DPYD: variants seen among roughly 807,000 people sequenced by gnomAD.
DPYD encodes dihydropyrimidine dehydrogenase [NADP(+)].
A neutral mutation model predicts 116.2 loss-of-function variants in DPYD; 109 were observed. The observed-to-expected ratio is 0.94, with a 90% CI of 0.80 to 1.10. DPYD has a LOEUF of 1.10. DPYD is among the 50% of genes least tolerant of loss of function. The pLI, the probability that DPYD is intolerant of heterozygous loss-of-function variation, is 0.00. For synonymous variants in DPYD, 440 were observed against 432.0 expected, an observed-to-expected ratio of 1.02 and a Z score of -0.23; for missense variants, 1,302 against 1,254.5, an observed-to-expected ratio of 1.04 and a Z score of -0.57.
chr1:97,098,263 T>C (rs1650408877), intron 21 of DPYD, among the ~76,000 whole-genome samples: 2 of 152,140 alleles, frequency 1.3e-5, no homozygotes, highest in Admixed American at 1.3e-4. Context: ...AAAATTTCCA[T>C]GACATGCATG....
chr1:97,576,004 A>G (rs976546165), intron 10 of DPYD, among the ~76,000 whole-genome samples: 1 of 152,204 alleles, frequency 6.6e-6, no homozygotes, highest in Non-Finnish European at 1.5e-5. Flanking sequence ...AACAAAGGTT[A>G]GTAAAAGGCA....
At position 97,305,138 on chromosome 1, in the gene DPYD, T is replaced by C. The variant is rs112042653; in HGVS notation, c.2299+121A>G. On this transcript the variant is annotated intron_variant, in intron 18 of 22. Coordinates refer to ENST00000370192, the MANE Select transcript of DPYD (RefSeq NM_000110.4). ...CGTTCTGTCATAACTATTAGGAATATTGATCAGCTATGAGTTATAAGAATT... is the reference window on the plus strand; with the variant it reads ...CGTTCTGTCATAACTATTAGGAATACTGATCAGCTATGAGTTATAAGAATT... 5.7e-5 allele frequency: 79 copies of C among 1,398,070 alleles called. No homozygotes were observed. The South Asian group carries it at 8.0e-4, about 14-fold the overall frequency. The allele number at this position is 1,398,070 out of a possible 1,614,324, so 86.6% of individuals were successfully genotyped here. A position where few individuals can be genotyped will look rare whatever the true frequency, so the allele number is the denominator to read the frequency against.
At chr1:97,898,619 T>C (rs1395382360) in intron 1 of DPYD, among the ~76,000 whole-genome samples, 9 of 151,952 alleles carry the variant, frequency 5.9e-5, no homozygotes, top group Non-Finnish European at 1.3e-4. Flanking sequence ...AAGAACCTGA[T>C]AGGCCTGAGT....
At chr1:97,624,630 T>C (rs1447137791) in intron 8 of DPYD, among the ~76,000 whole-genome samples, 14 of 151,974 alleles carry the variant, frequency 9.2e-5, no homozygotes, top group Admixed American at 9.2e-4. Flanking sequence ...ACCCAAAAGA[T>C]TTGAAATCAG....
intron 19 of DPYD, among the ~76,000 whole-genome samples, chr1:97,196,000 T>C (rs1017424845): frequency 2.0e-5 from 3 of 152,064 alleles, no homozygotes; most frequent in Non-Finnish European, 4.4e-5. Flanking sequence ...TGAGGGATGA[T>C]GAACTAAAGA....
intron 18 of DPYD, among the ~76,000 whole-genome samples, chr1:97,290,292 A>G (rs1570439925): frequency 1.3e-5 from 2 of 152,194 alleles, no homozygotes; most frequent in African/African-American, 4.8e-5. Flanking sequence ...TGCCATCCCC[A>G]TCAAGCTACC....
At chr1:97,846,425 A>G (rs1670305503) in intron 2 of DPYD, among the ~76,000 whole-genome samples, 1 of 152,204 alleles carries the variant, frequency 6.6e-6, no homozygotes, top group African/African-American at 2.4e-5. Context: ...TGATTTATAG[A>G]TAGTTGTTCA....
At chr1:97,351,091 C>T (rs1432367034) in intron 16 of DPYD, among the ~76,000 whole-genome samples, 4 of 152,124 alleles carry the variant, frequency 2.6e-5, no homozygotes, top group Non-Finnish European at 4.4e-5. Flanking sequence ...AAGCAAGTGT[C>T]CCCGTTATCA....
intron 18 of DPYD, among the ~76,000 whole-genome samples, chr1:97,292,283 A>G (rs1247570990): frequency 6.6e-6 from 1 of 152,148 alleles, no homozygotes; most frequent in African/African-American, 2.4e-5. Context: ...GTAATGTATA[A>G]AAGAAAGAGA....
At chr1:97,482,160 C>CAAATAAA (rs1464271513) in intron 13 of DPYD, among the ~76,000 whole-genome samples, 2 of 152,080 alleles carry the variant, frequency 1.3e-5, no homozygotes, top group African/African-American at 4.8e-5. Context: ...GTATATATAA[C>CAAATAAA]AAATCCTAGA....
At chr1:97,427,783 C>T (rs1215637898) in intron 14 of DPYD, among the ~76,000 whole-genome samples, 1 of 152,012 alleles carries the variant, frequency 6.6e-6, no homozygotes, top group Non-Finnish European at 1.5e-5. Context: ...CCTTTGCCCA[C>T]TCAGCCAACA....
intron 10 of DPYD, among the ~76,000 whole-genome samples, chr1:97,583,915 T>C (rs1233761270): frequency 6.6e-6 from 1 of 152,158 alleles, no homozygotes; most frequent in South Asian, 2.1e-4. Flanking sequence ...TTATAATCCT[T>C]TGGGTATATA....
At chr1:97,422,978 T>C (rs537533068) in intron 14 of DPYD, among the ~76,000 whole-genome samples, 21 of 152,058 alleles carry the variant, frequency 1.4e-4, no homozygotes, top group African/African-American at 5.1e-4. Context: ...GGGTGAACAA[T>C]GACTCAATTC....
chr1:97,593,138 T>C (rs944590891), intron 10 of DPYD, 80 bp downstream of exon 10: 54 of 1,506,430 alleles, frequency 3.6e-5, no homozygotes, highest in South Asian at 2.5e-4. Context: ...TTCAACATTC[T>C]AGCGATTTAA....
intron 16 of DPYD, among the ~76,000 whole-genome samples, chr1:97,365,924 T>C (rs926748551): frequency 6.6e-6 from 1 of 152,190 alleles, no homozygotes; most frequent in African/African-American, 2.4e-5. Flanking sequence ...TGAGCCACCA[T>C]GCCTGGCCTA....
chr1:97,577,240 C>G (rs887668063), intron 10 of DPYD, among the ~76,000 whole-genome samples: 2 of 152,130 alleles, frequency 1.3e-5, no homozygotes, highest in Non-Finnish European at 2.9e-5. Context: ...CCTGCAGCAC[C>G]CCCGTTTCTC....
intron 18 of DPYD, among the ~76,000 whole-genome samples, chr1:97,269,108 T>C (rs689001): frequency 0.036 from 5,444 of 152,282 alleles, 346 homozygotes; most frequent in African/African-American, 0.12. Context: ...TTAAGTTCTG[T>C]CTTCCACGAA....
chr1:97,231,704 C>T (rs1661598918), intron 19 of DPYD, among the ~76,000 whole-genome samples: 1 of 152,084 alleles, frequency 6.6e-6, no homozygotes, highest in Non-Finnish European at 1.5e-5. Flanking sequence ...TTTTATCCTC[C>T]AAGCCTTAGT....
rs1408654214 is a variant in DPYD at position 97,883,313 on chromosome 1, T to C, written c.101A>G (p.Lys34Arg). 2 of 1,612,938 alleles carry C rather than the reference T, an allele frequency of 1.2e-6. No homozygotes were observed. Among genetic ancestry groups the C allele is most frequent in the African/African-American group, 1.3e-5 (1 of 74,872 alleles). The change falls in exon 2 of 23, where the codon AAG becomes AGG. Residue 34 changes from lysine to arginine, a missense_variant. By Grantham distance (26) the Lys-to-Arg change is conservative. Coordinates refer to ENST00000370192, the MANE Select transcript of DPYD (RefSeq NM_000110.4). ...TTTCCAATGTTTCTTGTCTAATTTC[T>C]TGGCCGAAGTGGAACACAGAGTTGC... ...THATLCSTSA[K>R]KLDKKHWKRN...
Sources: gnomAD v4.1 joint callset for allele counts (sites outside exome capture counted in the v4.1 genomes callset) on GRCh38, gnomAD v4.1.1 for gene constraint, MANE v1.5 for transcripts, NCBI Gene and HGNC (gene_info 2026-07-23, HGNC 2026-07-21) for gene names.